SLC6A20: variants seen among roughly 807,000 people sequenced by gnomAD.
The protein encoded by SLC6A20 is sodium- and chloride-dependent transporter XTRP3.
Under a neutral mutation model 64.3 loss-of-function variants are expected in SLC6A20, and 73 were observed. The observed-to-expected ratio is 1.14, with a 90% confidence interval of 0.94 to 1.38. The LOEUF is 1.38. Among genes scored for constraint, SLC6A20 ranks in the 40% most tolerant of loss-of-function variants. SLC6A20 has a pLI of 0.00. For missense variants in SLC6A20, 725 were observed against 772.8 expected (o/e 0.94, Z 0.73); for synonymous variants, 347 against 329.6 (o/e 1.05, Z -0.57).
At chr3:45,782,029 C>A (rs1700094356) in intron 2 of SLC6A20, 54 bp downstream of exon 2, 2 of 1,524,276 alleles carry the variant, frequency 1.3e-6, no homozygotes. Context: ...CCCACCCACA[C>A]CCCCATGCTG....
intron 4 of SLC6A20, among the ~76,000 whole-genome samples, chr3:45,774,429 T>C (rs936332612): frequency 2.6e-5 from 4 of 152,190 alleles, no homozygotes; most frequent in African/African-American, 9.6e-5. Context: ...CATGACAGTA[T>C]GGCCAGGCTC....
chr3:45,771,107 C>G (rs1699854955), intron 6 of SLC6A20, 110 bp downstream of exon 6: 6 of 1,492,274 alleles, frequency 4.0e-6, no homozygotes, highest in Non-Finnish European at 5.4e-6. Context: ...AATGTGAGCC[C>G]TGGATTGAGG....
At chr3:45,774,065 A>G (rs1313373567) in intron 4 of SLC6A20, among the ~76,000 whole-genome samples, 4 of 152,190 alleles carry the variant, frequency 2.6e-5, no homozygotes, top group African/African-American at 9.6e-5. Context: ...ATCCAGCCTA[A>G]TCTATTGGAA....
chr3:45,764,660 C>G (rs1699743226), intron 8 of SLC6A20, among the ~76,000 whole-genome samples: 1 of 149,022 alleles, frequency 6.7e-6, no homozygotes, highest in African/African-American at 2.5e-5. Context: ...CAAGATCGCA[C>G]CATTGCACTC....
chr3:45,771,310 A>T lies in SLC6A20; in HGVS notation c.842T>A (p.Leu281His). 6.2e-7 allele frequency: 1 copy of T among 1,614,234 alleles called. No homozygotes were observed. The highest frequency in any genetic ancestry group is 8.5e-7 in the Non-Finnish European group (1 of 1,180,040). ...AAATATGGAGGTGAAGCTGTTGATG[A>T]GGGACACGATGATGGCGTGCTTCTG... The part of the protein sequence containing the change: ...NCQKHAIIVS[L>H]INSFTSIFAS... Residue 281 changes from leucine to histidine, a missense_variant, in exon 6 of 11, where the codon CTC becomes CAC. Coordinates refer to ENST00000358525, the MANE Select transcript of SLC6A20 (RefSeq NM_020208.4).
intron 4 of SLC6A20, 144 bp from the exon 5 acceptor site, chr3:45,772,759 TCA>T (rs1699898564): frequency 1.4e-6 from 1 of 692,394 alleles, no homozygotes; most frequent in African/African-American, 1.8e-5. Context: ...AGATTCTTGG[TCA>T]CACACAGGCT....
At position 45,782,119 on chromosome 3, in the gene SLC6A20, C is replaced by A; in HGVS notation, c.226G>T (p.Ala76Ser). ...GQRMRQGSIG[A>S]WRTISPYLSG... ...AGGTACGGGCTGATGGTCCTCCAGGCGCCGATGCTGCCCTGCCGCATGCGC... is the reference window on the plus strand; with the variant it reads ...AGGTACGGGCTGATGGTCCTCCAGGAGCCGATGCTGCCCTGCCGCATGCGC... The change falls in exon 2 of 11, where the codon GCC becomes TCC. Residue 76 changes from alanine to serine, a missense_variant. Ala to Ser is a moderately conservative substitution (Grantham distance 99). Transcript: ENST00000358525. 1 of 1,613,170 alleles carries A rather than the reference C, an allele frequency of 6.2e-7. No homozygotes were observed. Among genetic ancestry groups the A allele is most frequent in the Non-Finnish European group, 8.5e-7 (1 of 1,179,640 alleles).
intron 3 of SLC6A20, among the ~76,000 whole-genome samples, chr3:45,779,679 G>C (rs775159087): frequency 4.6e-5 from 7 of 152,334 alleles, no homozygotes; most frequent in Non-Finnish European, 8.8e-5. Flanking sequence ...TTTCCTCCTA[G>C]GCACACTGTG....
intron 6 of SLC6A20, among the ~76,000 whole-genome samples, 178 bp downstream of exon 6, chr3:45,771,039 A>AG (rs767132191): frequency 2.0e-5 from 3 of 152,210 alleles, no homozygotes; most frequent in Non-Finnish European, 2.9e-5. Flanking sequence ...CATCCCTGCC[A>AG]GGCAGATGTT....
At chr3:45,790,123 GC>G (rs994806101) in intron 1 of SLC6A20, among the ~76,000 whole-genome samples, 5 of 152,024 alleles carry the variant, frequency 3.3e-5, no homozygotes, top group African/African-American at 1.2e-4. Flanking sequence ...AGAGATGCCC[GC>G]CCGAGTCAGT....
chr3:45,771,095 C>T, intron 6 of SLC6A20, 122 bp downstream of exon 6: 1 of 1,429,544 alleles, frequency 7.0e-7, no homozygotes, highest in Non-Finnish European at 9.4e-7. Flanking sequence ...GTAGGGAGTC[C>T]AAATGTGAGC....
chr3:45,795,412 C>G (rs1700329370), intron 1 of SLC6A20, among the ~76,000 whole-genome samples: 1 of 152,176 alleles, frequency 6.6e-6, no homozygotes, highest in South Asian at 2.1e-4. Flanking sequence ...AACCAATCCC[C>G]TTTATTTGAG....
intron 1 of SLC6A20, among the ~76,000 whole-genome samples, chr3:45,793,009 C>A (rs1700282247): frequency 6.6e-6 from 1 of 152,168 alleles, no homozygotes; most frequent in African/African-American, 2.4e-5. Context: ...GATCAGAATC[C>A]CTGGAAGTGG....
intron 4 of SLC6A20, among the ~76,000 whole-genome samples, chr3:45,774,724 G>A (rs1699935698): frequency 6.6e-6 from 1 of 152,168 alleles, no homozygotes; most frequent in African/African-American, 2.4e-5. Flanking sequence ...AGAGGGTGAG[G>A]ACAGGTGGGC....
chr3:45,780,206 G>A (rs1700054173), intron 2 of SLC6A20, 106 bp from the exon 3 acceptor site: 2 of 1,004,566 alleles, frequency 2.0e-6, no homozygotes. Flanking sequence ...GCCCCGGGGT[G>A]GGCGAGGCCT....
At chr3:45,777,751 G>A (rs145911080) in intron 3 of SLC6A20, among the ~76,000 whole-genome samples, 11 of 152,290 alleles carry the variant, frequency 7.2e-5, no homozygotes, top group Non-Finnish European at 1.0e-4. Context: ...AGCTGCCTAG[G>A]CTGACATCCC....
chr3:45,779,498 T>C (rs59375543), intron 3 of SLC6A20, among the ~76,000 whole-genome samples: 4,237 of 152,260 alleles, frequency 0.028, 191 homozygotes, highest in African/African-American at 0.096. Flanking sequence ...ATGGTCCTTC[T>C]AGGAGAACTT....
chr3:45,788,618 G>T (rs1700204638), intron 1 of SLC6A20, among the ~76,000 whole-genome samples: 1 of 152,132 alleles, frequency 6.6e-6, no homozygotes, highest in Non-Finnish European at 1.5e-5. Context: ...TAATATTCTA[G>T]GTCCATGATA....
intron 1 of SLC6A20, among the ~76,000 whole-genome samples, chr3:45,792,269 T>C (rs1430136045): frequency 6.6e-6 from 1 of 152,170 alleles, no homozygotes; most frequent in African/African-American, 2.4e-5. Context: ...CTGTCCTGCC[T>C]GTAGCAGATG....
Sources: allele counts gnomAD v4.1 joint callset (sites outside exome capture counted in the v4.1 genomes callset), GRCh38; gene constraint gnomAD v4.1.1; transcripts MANE v1.5; gene names NCBI Gene and HGNC (gene_info 2026-07-23, HGNC 2026-07-21).